The following IL5RA variants were observed in gnomAD, a reference collection of about 807,000 sequenced individuals.
IL5RA encodes interleukin-5 receptor subunit alpha.
In IL5RA, 49 loss-of-function variants were observed where a neutral mutation model predicts 50.0. The observed-to-expected ratio is 0.98, with a 90% confidence interval of 0.78 to 1.24. IL5RA has a LOEUF of 1.24. Among genes scored for constraint, IL5RA ranks in the 50% most tolerant of loss-of-function variants. The pLI is 0.00. For missense variants in IL5RA, 600 were observed against 500.4 expected (o/e 1.20, Z -1.90); for synonymous variants, 202 against 174.0 (o/e 1.16, Z -1.26).
chr3:3,066,669 C>G lies in IL5RA; in HGVS notation c.*3556G>C, dbSNP rs1305570569. On this transcript the variant is annotated 3_prime_UTR_variant, in exon 12 of 12. Coordinates refer to ENST00000446632, the MANE Select transcript of IL5RA (RefSeq NM_175726.4). ...TTCTTAATTCCACCAGCAGATGGTC[C>G]TGACACATAGAAGTCTCACCATGAA... 6.6e-6 allele frequency: 1 copy of G among 152,222 alleles called. No individual in the cohort carries two copies. Among genetic ancestry groups the G allele is most frequent in the Non-Finnish European group, 1.5e-5 (1 of 68,046 alleles). The allele number at this position is 152,222 out of a possible 1,614,324, so 9.4% of individuals were successfully genotyped here. A position where few individuals can be genotyped will look rare whatever the true frequency, so the allele number is the denominator to read the frequency against.
At position 3,067,796 on chromosome 3, in the gene IL5RA, C is replaced by T. The variant is rs948547474; in HGVS notation, c.*2429G>A. On this transcript the variant is annotated 3_prime_UTR_variant, in exon 12 of 12. Transcript: ENST00000446632. ...CAGGGAAGTGTGGCAAGGAGCTCCACAGAGCCCAGGTGATCTATGGCTGCT... is the reference window on the plus strand; with the variant it reads ...CAGGGAAGTGTGGCAAGGAGCTCCATAGAGCCCAGGTGATCTATGGCTGCT... 3 of 152,420 alleles carry T rather than the reference C, an allele frequency of 2.0e-5. No individual in the cohort carries two copies. The highest frequency in any genetic ancestry group is 1.3e-4 in the Admixed American group (2 of 15,280). The allele number at this position is 152,420 out of a possible 1,614,324, so 9.4% of individuals were successfully genotyped here.
chr3:3,096,410 A>T (rs1045035175), intron 7 of IL5RA, among the ~76,000 whole-genome samples: 1 of 152,182 alleles, frequency 6.6e-6, no homozygotes, highest in African/African-American at 2.4e-5. Context: ...AGGGGAAATG[A>T]ATTCTTAATG....
rs745829586 is a variant in IL5RA at position 3,097,916 on chromosome 3, G to A, written c.663C>T (p.His221=). 1.9e-6 allele frequency: 3 copies of A among 1,614,190 alleles called. No homozygotes were observed. Among genetic ancestry groups the A allele is most frequent in the Non-Finnish European group, 2.5e-6 (3 of 1,180,036 alleles). The change falls in exon 7 of 12, where the codon CAC becomes CAT. Residue 221 remains histidine (H), a synonymous_variant. Coordinates refer to ENST00000446632, the MANE Select transcript of IL5RA (RefSeq NM_175726.4). Reference sequence around the variant, plus strand: ...GCTGATCAAAGGGCCTGATAGCAGAGTGCTTGCTGGAGCCGTTAACAAGCA... The same window carrying A: ...GCTGATCAAAGGGCCTGATAGCAGAATGCTTGCTGGAGCCGTTAACAAGCA... ...LAVLVNGSSK[H]SAIRPFDQLF...
chr3:3,070,100 G>T lies in IL5RA; in HGVS notation c.*125C>A, dbSNP rs575854939. 3 of 680,976 alleles carry T rather than the reference G, an allele frequency of 4.4e-6. No homozygotes were observed. The highest frequency in any genetic ancestry group is 2.6e-5 in the East Asian group (1 of 38,514). The allele number at this position is 680,976 out of a possible 1,614,324, so 42.2% of individuals were successfully genotyped here. ...CAAGACTGGTGTGTCTGGGTGTATTGCTTCGCAGGTAAATTGAGTGTTGCC... is the reference window on the plus strand; with the variant it reads ...CAAGACTGGTGTGTCTGGGTGTATTTCTTCGCAGGTAAATTGAGTGTTGCC... On this transcript the variant is annotated 3_prime_UTR_variant, in exon 12 of 12. Coordinates refer to ENST00000446632, the MANE Select transcript of IL5RA (RefSeq NM_175726.4).
At chr3:3,100,356 A>G (rs1703586328) in intron 5 of IL5RA, among the ~76,000 whole-genome samples, 1 of 83,470 alleles carries the variant, frequency 1.2e-5, no homozygotes, top group South Asian at 7.0e-4. Context: ...GTGCTTTTGC[A>G]CAGACAAAAA....
In IL5RA at chr3:3,102,784, A is replaced by T; in HGVS notation, c.119T>A (p.Val40Asp). 6.2e-7 allele frequency: 1 copy of T among 1,611,204 alleles called. No homozygotes were observed. The highest frequency in any genetic ancestry group is 1.1e-5 in the South Asian group (1 of 90,238). The change falls in exon 4 of 12, where the codon GTT becomes GAT. Residue 40 changes from valine (V) to aspartate (D), a missense_variant. Physicochemically the swap from Val to Asp is radical, Grantham distance 152 (BLOSUM62 -3). Transcript: ENST00000446632. Reference sequence around the variant, plus strand: ...TAAAAGAACTTGAGCCAAACCAGTAACTTTAATGGTGAAATTGACAGGTGG... The same window carrying T: ...TAAAAGAACTTGAGCCAAACCAGTATCTTTAATGGTGAAATTGACAGGTGG... ...LLPPVNFTIK[V>D]TGLAQVLLQW...
At chr3:3,087,650 A>G (rs1329555397) in intron 9 of IL5RA, among the ~76,000 whole-genome samples, 3 of 150,566 alleles carry the variant, frequency 2.0e-5, no homozygotes, top group Admixed American at 6.6e-5. Flanking sequence ...GGGGAAATTA[A>G]TAACTATGAA....
At chr3:3,081,042 A>T (rs1339130296) in intron 9 of IL5RA, among the ~76,000 whole-genome samples, 2 of 151,986 alleles carry the variant, frequency 1.3e-5, no homozygotes, top group African/African-American at 4.8e-5. Flanking sequence ...AAATATACTT[A>T]TGTCTATTGT....
In IL5RA at chr3:3,069,976, C is replaced by G. The variant is rs572590621; in HGVS notation, c.*249G>C. 7.5e-6 allele frequency: 3 copies of G among 399,428 alleles called. No homozygotes were observed. Among genetic ancestry groups the G allele is most frequent in the African/African-American group, 6.3e-5 (3 of 47,776 alleles). 24.7% of individuals were successfully genotyped at this position (399,428 alleles called of 1,614,324 possible). A position where few individuals can be genotyped will look rare whatever the true frequency, so the allele number is the denominator to read the frequency against. ...GCAGGTGAGGAGGTGCTACCCTGTA[C>G]GGCATGGGGAGAAAAAACATGGCAA... On this transcript the variant is annotated 3_prime_UTR_variant, in exon 12 of 12. Transcript: ENST00000446632.
intron 5 of IL5RA, among the ~76,000 whole-genome samples, chr3:3,100,627 A>G (rs1006359196): frequency 6.6e-6 from 1 of 152,232 alleles, no homozygotes; most frequent in Non-Finnish European, 1.5e-5. Flanking sequence ...TATTAGTGTC[A>G]TCCTGTATCA....
At chr3:3,105,726 T>C (rs867380835) in intron 2 of IL5RA, among the ~76,000 whole-genome samples, 7 of 147,390 alleles carry the variant, frequency 4.7e-5, no homozygotes, top group Non-Finnish European at 7.4e-5. Flanking sequence ...CTTGAAACAA[T>C]TGGGCAATGA....
chr3:3,075,347 C>A (rs977078401), intron 10 of IL5RA, among the ~76,000 whole-genome samples: 1 of 151,442 alleles, frequency 6.6e-6, no homozygotes, highest in Non-Finnish European at 1.5e-5. Flanking sequence ...GGACTACAGG[C>A]ACATGCCACT....
At chr3:3,105,629 C>CA (rs1553754066) in intron 2 of IL5RA, 4 of 141,166 alleles carry the variant, frequency 2.8e-5, no homozygotes, top group African/African-American at 1.1e-4. Flanking sequence ...TTTGTTCCCC[C>CA]CCCCACCCCG....
At chr3:3,101,239 C>T (rs904186098) in intron 5 of IL5RA, among the ~76,000 whole-genome samples, 10 of 151,188 alleles carry the variant, frequency 6.6e-5, no homozygotes, top group African/African-American at 2.4e-4. Context: ...GTCACTGACA[C>T]AATTCAGGAG....
At chr3:3,081,574 A>C (rs1702665690) in intron 9 of IL5RA, among the ~76,000 whole-genome samples, 2 of 152,224 alleles carry the variant, frequency 1.3e-5, no homozygotes, top group African/African-American at 4.8e-5. Flanking sequence ...TTTGGGTCTC[A>C]ACTTGTGCAA....
chr3:3,101,654 C>T (rs377061323), intron 5 of IL5RA, 38 bp downstream of exon 5: 2 of 1,597,278 alleles, frequency 1.3e-6, no homozygotes, highest in Admixed American at 1.8e-5. Flanking sequence ...TTGCAAAGTC[C>T]AAAACATACA....
In IL5RA at chr3:3,092,303, A is replaced by G; in HGVS notation, c.915T>C (p.Asp305=). The change falls in exon 9 of 12, where the codon GAT becomes GAC. Residue 305 remains aspartate (D), a synonymous_variant. Transcript: ENST00000446632. This position sits in a 1 kb window ranked among gnomAD's most constrained non-coding sequence, Gnocchi z 4.2. ...ISIIDDLSKY[D]VQVRAAVSSM... ...AGCTCACTGCTGCTCTCACTTGAAC[A>G]TCGTACTTAGAAAGATCATCAATTA... 2 of 1,614,078 alleles carry G rather than the reference A, an allele frequency of 1.2e-6. No homozygotes were observed. The highest frequency in any genetic ancestry group is 1.7e-6 in the Non-Finnish European group (2 of 1,179,990).
At chr3:3,089,195 G>A (rs1702991332) in intron 9 of IL5RA, among the ~76,000 whole-genome samples, 1 of 152,168 alleles carries the variant, frequency 6.6e-6, no homozygotes, top group Non-Finnish European at 1.5e-5. Flanking sequence ...TCCCCAGGAA[G>A]GCTCATGCTG....
At chr3:3,083,451 G>A (rs1038539381) in intron 9 of IL5RA, among the ~76,000 whole-genome samples, 3 of 152,184 alleles carry the variant, frequency 2.0e-5, no homozygotes, top group South Asian at 2.1e-4. Flanking sequence ...GTGTGCATGC[G>A]TGTATTTGTG....
Sources: allele counts gnomAD v4.1 joint callset (sites outside exome capture counted in the v4.1 genomes callset), GRCh38; gene constraint gnomAD v4.1.1; non-coding constraint Gnocchi (gnomAD v3.1); transcripts MANE v1.5; gene names NCBI Gene and HGNC (gene_info 2026-07-23, HGNC 2026-07-21).